The following PIEZO2 variants were observed in gnomAD, a reference collection of about 807,000 sequenced individuals.
PIEZO2 encodes the protein piezo-type mechanosensitive ion channel component 2.
Under a neutral mutation model 337.3 loss-of-function variants are expected in PIEZO2, and 172 were observed. That is an observed-to-expected ratio of 0.51 (90% CI 0.45 to 0.58). PIEZO2 has a LOEUF of 0.58. Ranked by LOEUF, PIEZO2 falls within the 20% of genes least tolerant of loss-of-function variation. The pLI is 0.00. For synonymous variants in PIEZO2, 1,251 were observed against 1,228.5 expected (o/e 1.02, Z -0.38); for missense variants, 3,028 against 3,391.3 (o/e 0.89, Z 2.66).
intron 33 of PIEZO2, chr18:10,737,690 A>T (rs1382788594): frequency 1.3e-5 from 2 of 152,268 alleles, no homozygotes; most frequent in Non-Finnish European, 2.9e-5. Context: ...AATAAATTAA[A>T]TCTTTATCAG....
intron 2 of PIEZO2, among the ~76,000 whole-genome samples, chr18:11,060,996 A>G (rs999573051): frequency 6.6e-6 from 1 of 152,244 alleles, no homozygotes; most frequent in African/African-American, 2.4e-5. Flanking sequence ...ATATCGATGC[A>G]AAAGTCCTCA....
intron 1 of PIEZO2, among the ~76,000 whole-genome samples, chr18:11,135,679 C>A (rs2040463126): frequency 6.6e-6 from 1 of 152,166 alleles, no homozygotes; most frequent in Admixed American, 6.5e-5. Context: ...TACAGAGTTG[C>A]TGGGACTACA....
In PIEZO2 at chr18:11,031,050, C is replaced by T. The variant is rs2036717107; in HGVS notation, c.160+35077G>A. Among the ~76,000 whole-genome samples, 1 of 152,060 alleles carries T rather than the reference C, an allele frequency of 6.6e-6. No homozygotes were observed. Among genetic ancestry groups the T allele is most frequent in the African/African-American group, 2.4e-5 (1 of 41,386 alleles). ...TGTTGCCCAGGCTGGAGTGCAGTGG[C>T]GTGATCTTGGCTCATTGCAAACGCC... is the stretch of plus-strand genomic sequence containing the variant. On this transcript the variant is annotated intron_variant, in intron 2 of 55. Coordinates refer to ENST00000674853, the MANE Select transcript of PIEZO2 (RefSeq NM_001378183.1). This position sits in a 1 kb window ranked among gnomAD's most constrained non-coding sequence, Gnocchi z 4.7.
chr18:11,085,876 G>T (rs546165455), intron 1 of PIEZO2, among the ~76,000 whole-genome samples: 5 of 151,570 alleles, frequency 3.3e-5, no homozygotes, highest in African/African-American at 1.2e-4. Flanking sequence ...TGGAAGAGAG[G>T]GTGGGAGAAA....
intron 1 of PIEZO2, among the ~76,000 whole-genome samples, chr18:11,133,308 T>C (rs1478705388): frequency 1.3e-5 from 2 of 152,282 alleles, no homozygotes; most frequent in East Asian, 1.9e-4. Flanking sequence ...AAGGGATAGT[T>C]GTGTTATGGT....
rs1360557200 is a variant in PIEZO2 at position 10,677,688 on chromosome 18, A to G, written c.8081+59T>C. 6.4e-7 allele frequency: 1 copy of G among 1,557,938 alleles called. No individual in the cohort carries two copies. Among genetic ancestry groups the G allele is most frequent in the Non-Finnish European group, 8.7e-7 (1 of 1,151,674 alleles). On this transcript the variant is annotated intron_variant, in intron 53 of 55. Coordinates refer to ENST00000674853, the MANE Select transcript of PIEZO2 (RefSeq NM_001378183.1). The surrounding 1 kb of genome is among the most constrained non-coding windows in gnomAD (Gnocchi z 4.1). ...CATACACATGAATCTGTAGATGGAC[A>G]TTTTGTACCAGCTGCATATACCTAA...
At chr18:10,723,257 G>A (rs1462746528) in intron 36 of PIEZO2, among the ~76,000 whole-genome samples, 6 of 152,062 alleles carry the variant, frequency 3.9e-5, no homozygotes, top group Admixed American at 1.3e-4. Flanking sequence ...GTGAGCCACC[G>A]CGCCTGGCCT....
rs180918857 is a variant in PIEZO2, at chr18:11,068,007, C to T, written c.65-1785G>A. 3.5e-4 allele frequency among the ~76,000 whole-genome samples: 54 copies of T among 152,270 alleles called. 1 individual carries two copies. The highest frequency in any genetic ancestry group is 7.8e-4 in the Admixed American group (12 of 15,304). ...CACGATCTCAGCTCACTGCAAGCTC[C>T]GCCTCCCAGGTTCACGCCATTTTCC... On this transcript the variant is annotated intron_variant, in intron 1 of 55. Transcript: ENST00000674853.
At position 10,828,169 on chromosome 18, in the gene PIEZO2, T is replaced by C. The variant is rs1313851949; in HGVS notation, c.918-20895A>G. Among the ~76,000 whole-genome samples, 5 of 150,218 alleles carry C rather than the reference T, an allele frequency of 3.3e-5. No individual in the cohort carries two copies. The highest frequency in any genetic ancestry group is 7.4e-5 in the Non-Finnish European group (5 of 67,600). ...TTTTTTTTTTTTACAGTAAAACCAA[T>C]CCTGTATGTAGTCATAAGTATCACT... On this transcript the variant is annotated intron_variant, in intron 7 of 55. Coordinates refer to ENST00000674853, the MANE Select transcript of PIEZO2 (RefSeq NM_001378183.1). This position sits in a 1 kb window ranked among gnomAD's most constrained non-coding sequence, Gnocchi z 4.1.
intron 11 of PIEZO2, among the ~76,000 whole-genome samples, chr18:10,798,569 T>C (rs917617375): frequency 6.6e-6 from 1 of 152,242 alleles, no homozygotes; most frequent in East Asian, 1.9e-4. Context: ...GCTTCTCTGG[T>C]TAACACTTTT....
At chr18:10,992,963 C>T (rs2035165377) in intron 2 of PIEZO2, among the ~76,000 whole-genome samples, 1 of 152,084 alleles carries the variant, frequency 6.6e-6, no homozygotes, top group South Asian at 2.1e-4. Flanking sequence ...AAGTTGTATT[C>T]CTAGGTATTT....
chr18:10,782,896 G>T (rs1419502959), intron 17 of PIEZO2, among the ~76,000 whole-genome samples: 2 of 152,056 alleles, frequency 1.3e-5, no homozygotes, highest in East Asian at 3.9e-4. Flanking sequence ...TTTCACATAC[G>T]CTAGGTCCAA....
intron 1 of PIEZO2, among the ~76,000 whole-genome samples, chr18:11,122,043 TC>T (rs2040042158): frequency 6.6e-6 from 1 of 152,146 alleles, no homozygotes; most frequent in Admixed American, 6.5e-5. Context: ...AAGCTCCGCC[TC>T]CCAGGTTCAT....
intron 1 of PIEZO2, among the ~76,000 whole-genome samples, chr18:11,087,695 A>T (rs1275675712): frequency 2.0e-5 from 3 of 152,150 alleles, no homozygotes; most frequent in Admixed American, 6.5e-5. Flanking sequence ...TTTCATCAAG[A>T]TCAACTAAAA....
chr18:10,865,880 G>A (rs1216480188), intron 5 of PIEZO2, among the ~76,000 whole-genome samples: 1 of 152,146 alleles, frequency 6.6e-6, no homozygotes, highest in African/African-American at 2.4e-5. Context: ...GAACACAGGG[G>A]CTCTGCAATT....
intron 2 of PIEZO2, among the ~76,000 whole-genome samples, chr18:11,030,990 T>TTTGTTGTTG (rs35599650): frequency 6.6e-6 from 1 of 151,350 alleles, no homozygotes; most frequent in Non-Finnish European, 1.5e-5. Context: ...CTTCTGGAAT[T>TTTGTTGTTG]TTGTTGTTGT....
intron 4 of PIEZO2, among the ~76,000 whole-genome samples, chr18:10,881,711 C>T (rs915802158): frequency 5.3e-5 from 8 of 152,268 alleles, no homozygotes; most frequent in Middle Eastern, 3.4e-3. Flanking sequence ...TGCTATTGAA[C>T]GACTACAACA....
Position 10,704,940 on chromosome 18 carries a change from C to T in PIEZO2, c.6000-288G>A, listed in dbSNP as rs140579196. ...TCCTAACCTCAGGTGATCCACCCGC[C>T]TCAGCCTCCCAAAGTGCTGGGATTA... On this transcript the variant is annotated intron_variant, in intron 41 of 55. Transcript: ENST00000674853. Among the ~76,000 whole-genome samples, 1,763 of 152,336 alleles carry T rather than the reference C, an allele frequency of 0.012. 35 individuals carry two copies. Among genetic ancestry groups the T allele is most frequent in the African/African-American group, 0.04 (1,656 of 41,572 alleles).
At chr18:10,896,467 T>C (rs1275951257) in intron 4 of PIEZO2, among the ~76,000 whole-genome samples, 1 of 152,208 alleles carries the variant, frequency 6.6e-6, no homozygotes, top group Non-Finnish European at 1.5e-5. Flanking sequence ...ATTATCTGTG[T>C]GGATTTCTAA....
Sources: allele counts gnomAD v4.1 joint callset (sites outside exome capture counted in the v4.1 genomes callset), GRCh38; gene constraint gnomAD v4.1.1; non-coding constraint Gnocchi (gnomAD v3.1); transcripts MANE v1.5; gene names NCBI Gene and HGNC (gene_info 2026-07-23, HGNC 2026-07-21).